SPTLC2: variants seen among roughly 807,000 people sequenced by gnomAD.
The protein encoded by SPTLC2 is serine palmitoyltransferase long chain base subunit 2.
Under a neutral mutation model 62.0 loss-of-function variants are expected in SPTLC2, and 21 were observed. That is an observed-to-expected ratio of 0.34 (90% CI 0.24 to 0.49). The LOEUF is 0.49. Among genes scored for constraint, SPTLC2 ranks in the 20% least tolerant of loss-of-function variants. The pLI is 0.99. For missense variants in SPTLC2, 511 were observed against 713.0 expected (o/e 0.72, Z 3.23); for synonymous variants, 261 against 261.8 (o/e 1.00, Z 0.03).
intron 5 of SPTLC2, among the ~76,000 whole-genome samples, chr14:77,562,876 T>C (rs1167926377): frequency 6.6e-6 from 1 of 152,206 alleles, no homozygotes; most frequent in Non-Finnish European, 1.5e-5. Context: ...AAATGGCAGC[T>C]GATGGGGTCA....
intron 2 of SPTLC2, among the ~76,000 whole-genome samples, chr14:77,588,077 T>C (rs1180303616): frequency 3.9e-5 from 6 of 152,028 alleles, no homozygotes; most frequent in African/African-American, 1.4e-4. Context: ...CAGGACTACA[T>C]ACAGGTGCAC....
Position 77,571,937 on chromosome 14 carries a change from C to T in SPTLC2, c.632-1429G>A, listed in dbSNP as rs188794396. ...TCCCAAGTAGCCGGGATTACAGGTG[C>T]GGACCACCACGCCTGACTATTTTGT... On this transcript the variant is annotated intron_variant, in intron 4 of 11. Transcript: ENST00000216484. 3.8e-3 allele frequency among the ~76,000 whole-genome samples: 570 copies of T among 149,866 alleles called. 4 individuals carry two copies. Among genetic ancestry groups the T allele is most frequent in the Non-Finnish European group, 6.8e-3 (461 of 67,662 alleles).
At chr14:77,571,506 C>G (rs1172659017) in intron 4 of SPTLC2, among the ~76,000 whole-genome samples, 1 of 34,528 alleles carries the variant, frequency 2.9e-5, no homozygotes, top group East Asian at 2.9e-3. Context: ...GAGACTCTGA[C>G]TCAAAAAAAA....
At position 77,552,104 on chromosome 14, in the gene SPTLC2, G is replaced by T. The variant is rs867249067; in HGVS notation, c.1295C>A (p.Thr432Asn). ...AGAAAAGAAAGACTTACCAAGGCTGGTGCCATCCTGCCCCATGATGCACTT... is the reference window on the plus strand; with the variant it reads ...AGAAAAGAAAGACTTACCAAGGCTGTTGCCATCCTGCCCCATGATGCACTT... ...SMKCIMGQDG[T>N]SLGKECVQQL... is the part of the protein sequence containing the mutation. Residue 432 changes from threonine (T) to asparagine (N), a missense_variant, in exon 9 of 12, where the codon ACC becomes AAC. Coordinates refer to ENST00000216484, the MANE Select transcript of SPTLC2 (RefSeq NM_004863.4). 3 of 1,613,996 alleles carry T rather than the reference G, an allele frequency of 1.9e-6. No homozygotes were observed. The African/African-American group carries it at 4.0e-5, about 22-fold the overall frequency.
chr14:77,568,625 G>A (rs1007403991), intron 5 of SPTLC2, among the ~76,000 whole-genome samples: 15 of 152,012 alleles, frequency 9.9e-5, no homozygotes, highest in African/African-American at 2.2e-4. Flanking sequence ...TGGCTAACAC[G>A]GTGAAACCCC....
intron 9 of SPTLC2, among the ~76,000 whole-genome samples, chr14:77,549,559 C>T (rs997092725): frequency 6.6e-6 from 1 of 152,176 alleles, no homozygotes. Flanking sequence ...ATGATCCCAA[C>T]CACCAACCAT....
chr14:77,594,558 T>G (rs1017285068), intron 2 of SPTLC2, among the ~76,000 whole-genome samples: 14 of 152,170 alleles, frequency 9.2e-5, no homozygotes, highest in African/African-American at 3.4e-4. Context: ...CACAGGAGTT[T>G]GAGACCAGCC....
At chr14:77,537,036 C>A (rs1219508093) in intron 9 of SPTLC2, among the ~76,000 whole-genome samples, 1 of 151,966 alleles carries the variant, frequency 6.6e-6, no homozygotes, top group Admixed American at 6.6e-5. Flanking sequence ...AATTCTCCTG[C>A]CTCAGCCTCC....
At chr14:77,548,248 A>C (rs1474522553) in intron 9 of SPTLC2, among the ~76,000 whole-genome samples, 1 of 152,234 alleles carries the variant, frequency 6.6e-6, no homozygotes, top group East Asian at 1.9e-4. Flanking sequence ...GTACTTGAAG[A>C]ACCCACTGAT....
intron 5 of SPTLC2, among the ~76,000 whole-genome samples, chr14:77,563,322 C>T (rs1228859505): frequency 1.3e-5 from 2 of 152,170 alleles, no homozygotes; most frequent in Non-Finnish European, 1.5e-5. Flanking sequence ...AGAACTGCCT[C>T]ACCCTCACAT....
At chr14:77,529,620 C>CTTTCTTTCTTTTTTTTTTTTTTTTTT (rs1555373703) in intron 9 of SPTLC2, among the ~76,000 whole-genome samples, 1 of 76,048 alleles carries the variant, frequency 1.3e-5, no homozygotes, top group African/African-American at 4.1e-5. Context: ...TTCTTTCTTT[C>CTTTCTTTCTTTTTTTTTTTTTTTTTT]TTTTTTTTTT....
intron 5 of SPTLC2, 41 bp from the exon 6 acceptor site, chr14:77,562,530 G>C: frequency 1.3e-6 from 2 of 1,542,480 alleles, no homozygotes; most frequent in Non-Finnish European, 1.8e-6. Context: ...AGCTGGAGGG[G>C]AAAGGGTTAG....
At chr14:77,578,011 G>A (rs1444874960) in intron 3 of SPTLC2, among the ~76,000 whole-genome samples, 1 of 152,058 alleles carries the variant, frequency 6.6e-6, no homozygotes, top group East Asian at 1.9e-4. Context: ...TGAGCATGGT[G>A]GTGCATCTCT....
At chr14:77,561,850 T>C (rs576551835) in intron 6 of SPTLC2, among the ~76,000 whole-genome samples, 1 of 152,344 alleles carries the variant, frequency 6.6e-6, no homozygotes, top group Admixed American at 6.5e-5. Context: ...TTGGTCACCT[T>C]TTCTGCCTAT....
chr14:77,596,693 T>C (rs1483925350), intron 2 of SPTLC2, among the ~76,000 whole-genome samples: 1 of 152,196 alleles, frequency 6.6e-6, no homozygotes, highest in Non-Finnish European at 1.5e-5. Context: ...TACAGCTTGT[T>C]TGTCTGGGGA....
intron 2 of SPTLC2, among the ~76,000 whole-genome samples, chr14:77,584,444 T>C (rs967839934): frequency 4.6e-5 from 7 of 152,210 alleles, no homozygotes; most frequent in African/African-American, 1.4e-4. Flanking sequence ...CCAAGTGCTT[T>C]ACATGCACAC....
intron 6 of SPTLC2, among the ~76,000 whole-genome samples, chr14:77,561,961 G>A (rs2079617210): frequency 6.6e-6 from 1 of 152,146 alleles, no homozygotes; most frequent in South Asian, 2.1e-4. Flanking sequence ...TCTGGCTCAG[G>A]GCCACCCTCC....
intron 5 of SPTLC2, among the ~76,000 whole-genome samples, chr14:77,567,163 G>A (rs1475086811): frequency 6.6e-6 from 1 of 151,830 alleles, no homozygotes; most frequent in East Asian, 2.0e-4. Flanking sequence ...GTAGAGACAA[G>A]GTTTCATCCT....
chr14:77,514,763 A>T (rs908785048), intron 11 of SPTLC2, among the ~76,000 whole-genome samples: 1 of 152,218 alleles, frequency 6.6e-6, no homozygotes, highest in Admixed American at 6.5e-5. Context: ...GAGTATTTTT[A>T]TCACCCTAAA....
Sources: allele counts gnomAD v4.1 joint callset (sites outside exome capture counted in the v4.1 genomes callset), GRCh38; gene constraint gnomAD v4.1.1; transcripts MANE v1.5; gene names NCBI Gene and HGNC (gene_info 2026-07-23, HGNC 2026-07-21).